Variants in LAMA1 observed in about 807,000 individuals in gnomAD.
The protein encoded by LAMA1 is laminin subunit alpha-1.
Under a neutral mutation model 348.7 loss-of-function variants are expected in LAMA1, and 219 were observed. The ratio of observed to expected loss-of-function variants is 0.63; its 90% CI spans 0.56 to 0.70. LAMA1 has a LOEUF of 0.70. Among genes scored for constraint, LAMA1 ranks in the 30% least tolerant of loss-of-function variants. LAMA1 has a pLI of 0.00. For missense variants in LAMA1, 3,744 were observed against 3,888.0 expected, an observed-to-expected ratio of 0.96 and a Z score of 0.99; for synonymous variants, 1,487 against 1,491.0, an observed-to-expected ratio of 1.00 and a Z score of 0.06.
intron 39 of LAMA1, among the ~76,000 whole-genome samples, chr18:6,983,671 TC>T (rs1163189279): frequency 9.8e-4 from 149 of 152,298 alleles, no homozygotes; most frequent in African/African-American, 3.4e-3. Flanking sequence ...CTGAATCTTA[TC>T]CCTCTAATGG....
intron 6 of LAMA1, 114 bp downstream of exon 6, chr18:7,046,162 TTG>T: frequency 1.5e-6 from 1 of 662,738 alleles, no homozygotes; most frequent in South Asian, 1.9e-5. Flanking sequence ...ATCTGTTTTT[TTG>T]GAGCATAATT....
In LAMA1 at chr18:6,965,415, G is replaced by T; in HGVS notation, c.7068C>A (p.Ile2356=). Residue 2356 remains isoleucine (I), a synonymous_variant, in exon 50 of 63, where the codon ATC becomes ATA. Coordinates refer to ENST00000389658, the MANE Select transcript of LAMA1 (RefSeq NM_005559.4). ...GSYGTKDFLS[I]ELFRGRVKVM... is the part of the protein sequence containing the mutation. Reference sequence around the variant, plus strand: ...CCTTCACTCTGCCACGAAACAGCTCGATGGATAAAAAGTCTTTCTGTAAAA... The same window carrying T: ...CCTTCACTCTGCCACGAAACAGCTCTATGGATAAAAAGTCTTTCTGTAAAA... 1 of 1,614,082 alleles carries T rather than the reference G, an allele frequency of 6.2e-7. No homozygotes were observed. The highest frequency in any genetic ancestry group is 8.5e-7 in the Non-Finnish European group (1 of 1,180,006).
intron 22 of LAMA1, among the ~76,000 whole-genome samples, chr18:7,015,378 T>A (rs1600394849): frequency 6.6e-6 from 1 of 152,020 alleles, no homozygotes; most frequent in Non-Finnish European, 1.5e-5. Context: ...CAAGTGATCC[T>A]CCTGCCTCAG....
intron 36 of LAMA1, 96 bp downstream of exon 36, chr18:6,992,465 G>A: frequency 7.5e-7 from 1 of 1,340,318 alleles, no homozygotes; most frequent in Non-Finnish European, 1.1e-6. Context: ...TTTCCAGTGA[G>A]CACTTTTCTT....
chr18:7,006,564 A>C (rs1600388322), intron 29 of LAMA1, among the ~76,000 whole-genome samples: 1 of 152,308 alleles, frequency 6.6e-6, no homozygotes, highest in African/African-American at 2.4e-5. Context: ...TCCATCACTT[A>C]AAGATGGGGA....
chr18:7,021,847 T>TAATATAA (rs1475542817), intron 19 of LAMA1, among the ~76,000 whole-genome samples: 10 of 61,708 alleles, frequency 1.6e-4, no homozygotes, highest in African/African-American at 2.5e-4. Context: ...ATATATTATA[T>TAATATAA]TATATTATAT....
At chr18:7,065,830 CTAATTATTTGCAGGTTTAAA>C (rs1283612121) in intron 3 of LAMA1, among the ~76,000 whole-genome samples, 1 of 152,188 alleles carries the variant, frequency 6.6e-6, no homozygotes, top group Non-Finnish European at 1.5e-5. Flanking sequence ...TGCCATCCAG[CTAATTATTTGCAGGTTTAAA>C]TTTGACCTCA....
At chr18:7,098,623 G>A (rs1480649882) in intron 1 of LAMA1, among the ~76,000 whole-genome samples, 6 of 150,654 alleles carry the variant, frequency 4.0e-5, no homozygotes, top group East Asian at 2.0e-4. Context: ...CAACCGCCCC[G>A]TCTGAGAAGT....
At chr18:6,955,906 G>A (rs535246774) in intron 56 of LAMA1, 1 of 342,396 alleles carries the variant, frequency 2.9e-6, no homozygotes, top group African/African-American at 2.1e-5. Context: ...GCCTCAGAGT[G>A]TGAACCTAGG....
At position 7,024,370 on chromosome 18, in the gene LAMA1, T is replaced by G. The variant is rs1326191193; in HGVS notation, c.2489+10A>C. 6.2e-7 allele frequency: 1 copy of G among 1,609,876 alleles called. No individual in the cohort carries two copies. ...TCGAAAATGTGTTGAAGCCAGTGGA[T>G]GCAGAGTACCTCTCACACCAAGCTC... On this transcript the variant is annotated intron_variant, in intron 18 of 62. Coordinates refer to ENST00000389658, the MANE Select transcript of LAMA1 (RefSeq NM_005559.4).
intron 42 of LAMA1, among the ~76,000 whole-genome samples, chr18:6,979,315 C>T (rs1302031104): frequency 6.6e-6 from 1 of 152,100 alleles, no homozygotes; most frequent in Non-Finnish European, 1.5e-5. Context: ...GACTTTGGGG[C>T]TTCCTGTTTT....
At chr18:7,079,122 T>C (rs1157978990) in intron 3 of LAMA1, among the ~76,000 whole-genome samples, 1 of 152,248 alleles carries the variant, frequency 6.6e-6, no homozygotes, top group Admixed American at 6.5e-5. Flanking sequence ...CACAATTACT[T>C]GTGTCTTTTA....
At chr18:6,991,427 G>GGAGA (rs1294727527) in intron 36 of LAMA1, among the ~76,000 whole-genome samples, 23 of 115,846 alleles carry the variant, frequency 2.0e-4, no homozygotes, top group African/African-American at 7.9e-4. Flanking sequence ...GTCTTGCTCT[G>GGAGA]TCGCCCAGGC....
At chr18:7,008,250 T>C (rs2057842247) in intron 28 of LAMA1, among the ~76,000 whole-genome samples, 2 of 152,148 alleles carry the variant, frequency 1.3e-5, no homozygotes, top group South Asian at 4.1e-4. Flanking sequence ...AGGATGATAG[T>C]GGTGACAGTT....
Position 7,031,680 on chromosome 18 carries a change from C to CAAATAAATAAATAAAT in LAMA1, c.2274+370_2274+385dup, listed in dbSNP as rs35755639. Among the ~76,000 whole-genome samples the CAAATAAATAAATAAAT allele has an allele frequency of 1.7e-3, 246 of 146,684 alleles. 3 individuals carry two copies. The highest frequency in any genetic ancestry group is 5.0e-3 in the African/African-American group (191 of 38,538). ...TGGGTGACAAGGTAAGACCCTGTCT[C>CAAATAAATAAATAAAT]AAATAAATAAATAAATAAATATTAG... On this transcript the variant is annotated intron_variant, in intron 16 of 62. Coordinates refer to ENST00000389658, the MANE Select transcript of LAMA1 (RefSeq NM_005559.4).
intron 36 of LAMA1, among the ~76,000 whole-genome samples, chr18:6,989,138 C>T (rs1316850247): frequency 6.6e-6 from 1 of 152,232 alleles, no homozygotes; most frequent in Non-Finnish European, 1.5e-5. Context: ...TCCCTGGATA[C>T]TGCATCTCTG....
chr18:7,010,079 T>A, intron 26 of LAMA1, 121 bp downstream of exon 26: 2 of 1,130,222 alleles, frequency 1.8e-6, no homozygotes, highest in Non-Finnish European at 2.6e-6. Flanking sequence ...AGTGGTGGGA[T>A]TACAGGTGTG....
intron 42 of LAMA1, among the ~76,000 whole-genome samples, chr18:6,979,682 G>A (rs369866574): frequency 5.3e-5 from 8 of 152,082 alleles, no homozygotes; most frequent in Admixed American, 2.6e-4. Context: ...GGCGGATCAC[G>A]AGGTCAGGAG....
chr18:7,075,127 A>C (rs1461737383), intron 3 of LAMA1, among the ~76,000 whole-genome samples: 3 of 152,164 alleles, frequency 2.0e-5, no homozygotes, highest in Non-Finnish European at 4.4e-5. Flanking sequence ...TTACCAAGTT[A>C]CACAAACACA....
Sources: gnomAD v4.1 joint callset for allele counts (sites outside exome capture counted in the v4.1 genomes callset) on GRCh38, gnomAD v4.1.1 for gene constraint, MANE v1.5 for transcripts, NCBI Gene and HGNC (gene_info 2026-07-23, HGNC 2026-07-21) for gene names.